NELL1: variants seen among roughly 807,000 people sequenced by gnomAD.
NELL1 encodes protein kinase C-binding protein NELL1.
NELL1 carries 76 observed loss-of-function variants against 107.4 expected under a neutral mutation model. The ratio of observed to expected loss-of-function variants is 0.71; its 90% CI spans 0.59 to 0.86. The LOEUF is 0.86. NELL1 is among the 40% of genes least tolerant of loss of function. The pLI is 0.00. For missense variants in NELL1, 1,024 were observed against 1,005.5 expected (o/e 1.02, Z -0.25); for synonymous variants, 353 against 341.2 (o/e 1.03, Z -0.38).
chr11:21,504,595 G>A (rs1855234197), intron 15 of NELL1, among the ~76,000 whole-genome samples: 3 of 152,030 alleles, frequency 2.0e-5, no homozygotes, highest in African/African-American at 7.2e-5. Flanking sequence ...TAGGCTTTGG[G>A]AAACTTGGTT....
chr11:21,439,660 G>A (rs1853228449), intron 15 of NELL1, among the ~76,000 whole-genome samples: 2 of 152,088 alleles, frequency 1.3e-5, no homozygotes, highest in African/African-American at 4.8e-5. Flanking sequence ...TCCTGTATTA[G>A]TAAGTAATAC....
intron 13 of NELL1, among the ~76,000 whole-genome samples, chr11:21,182,250 A>G (rs1856843233): frequency 6.6e-6 from 1 of 151,734 alleles, no homozygotes; most frequent in Non-Finnish European, 1.5e-5. Flanking sequence ...CCTGGCCAAC[A>G]TAGCGAAACC....
intron 11 of NELL1, among the ~76,000 whole-genome samples, chr11:20,959,644 T>A (rs563180688): frequency 6.6e-6 from 1 of 152,234 alleles, no homozygotes; most frequent in South Asian, 2.1e-4. Context: ...AAGAATGACA[T>A]CATAGACTTT....
chr11:21,305,048 G>C (rs1199284079), intron 14 of NELL1, among the ~76,000 whole-genome samples: 1 of 152,000 alleles, frequency 6.6e-6, no homozygotes, highest in Non-Finnish European at 1.5e-5. Flanking sequence ...TTATATGAAA[G>C]AGTCCAGATT....
At chr11:21,538,013 T>C (rs1856181881) in intron 16 of NELL1, among the ~76,000 whole-genome samples, 1 of 152,186 alleles carries the variant, frequency 6.6e-6, no homozygotes, top group African/African-American at 2.4e-5. Context: ...CTTAATAACA[T>C]AGCTTAATAG....
intron 3 of NELL1, among the ~76,000 whole-genome samples, chr11:20,808,487 G>T (rs566141594): frequency 1.4e-4 from 21 of 152,310 alleles, no homozygotes; most frequent in African/African-American, 5.1e-4. Context: ...TTGGGGGAGG[G>T]CTGGTGCAAG....
At chr11:21,005,937 C>T (rs976278276) in intron 12 of NELL1, among the ~76,000 whole-genome samples, 5 of 152,048 alleles carry the variant, frequency 3.3e-5, no homozygotes, top group African/African-American at 1.2e-4. Flanking sequence ...GTTTGAATCC[C>T]ACCTGTGTCA....
chr11:20,821,868 C>T (rs565808283), intron 3 of NELL1, among the ~76,000 whole-genome samples: 1 of 152,320 alleles, frequency 6.6e-6, no homozygotes, highest in East Asian at 1.9e-4. Context: ...ACTTGCTTAG[C>T]AAATGAAGAA....
At chr11:20,938,602 G>T (rs1196212674) in intron 10 of NELL1, among the ~76,000 whole-genome samples, 1 of 152,154 alleles carries the variant, frequency 6.6e-6, no homozygotes, top group African/African-American at 2.4e-5. Context: ...TGGGTAAGGT[G>T]TGGGAGCCAG....
intron 12 of NELL1, among the ~76,000 whole-genome samples, chr11:21,073,749 G>A (rs1854070312): frequency 1.3e-5 from 2 of 152,116 alleles, no homozygotes; most frequent in Admixed American, 1.3e-4. Flanking sequence ...AAAAGTAGTT[G>A]AGTTGTTTCA....
intron 15 of NELL1, among the ~76,000 whole-genome samples, chr11:21,470,054 T>C (rs1205412344): frequency 6.6e-6 from 1 of 152,032 alleles, no homozygotes; most frequent in East Asian, 1.9e-4. Flanking sequence ...TAATTAACAA[T>C]TACTCTATGC....
At chr11:21,236,881 G>T (rs1203847047) in intron 14 of NELL1, among the ~76,000 whole-genome samples, 1 of 152,142 alleles carries the variant, frequency 6.6e-6, no homozygotes, top group Non-Finnish European at 1.5e-5. Context: ...CCACCTGGAA[G>T]AAACATACTT....
intron 5 of NELL1, 21 bp downstream of exon 5, chr11:20,885,561 T>C: frequency 7.3e-7 from 1 of 1,374,658 alleles, no homozygotes; most frequent in Non-Finnish European, 1.0e-6. Context: ...ACGTTCTTTT[T>C]ATTGAAGTAT....
intron 2 of NELL1, among the ~76,000 whole-genome samples, chr11:20,745,100 G>GTCTTGTCATGTCAGACA (rs1855974563): frequency 6.6e-6 from 1 of 152,010 alleles, no homozygotes; most frequent in Non-Finnish European, 1.5e-5. Flanking sequence ...TTTTGTTCAT[G>GTCTTGTCATGTCAGACA]TGTTTATTGT....
chr11:21,329,497 G>A (rs535151495), intron 14 of NELL1, among the ~76,000 whole-genome samples: 1 of 152,148 alleles, frequency 6.6e-6, no homozygotes, highest in South Asian at 2.1e-4. Context: ...ATGTGAAAAG[G>A]TGATTATAGT....
intron 15 of NELL1, among the ~76,000 whole-genome samples, chr11:21,525,170 A>G (rs953665023): frequency 6.6e-6 from 1 of 152,194 alleles, no homozygotes; most frequent in African/African-American, 2.4e-5. Flanking sequence ...CAGAGATAAA[A>G]TTAGAAGGCC....
chr11:21,501,539 T>C (rs1855142124), intron 15 of NELL1, among the ~76,000 whole-genome samples: 1 of 152,188 alleles, frequency 6.6e-6, no homozygotes, highest in Admixed American at 6.6e-5. Context: ...GGAGACCTCA[T>C]TATTTGAGTC....
chr11:21,541,399 T>G (rs557239471), intron 16 of NELL1, among the ~76,000 whole-genome samples: 1 of 152,208 alleles, frequency 6.6e-6, no homozygotes, highest in East Asian at 1.9e-4. Context: ...CAACCAAAAA[T>G]GTTCCGCTGA....
intron 15 of NELL1, among the ~76,000 whole-genome samples, chr11:21,384,918 T>A (rs1851704946): frequency 6.6e-6 from 1 of 151,052 alleles, no homozygotes; most frequent in Non-Finnish European, 1.5e-5. Context: ...TTTCCTTACT[T>A]TTTAAAAATT....
Sources: gnomAD v4.1 joint callset for allele counts (sites outside exome capture counted in the v4.1 genomes callset) on GRCh38, gnomAD v4.1.1 for gene constraint, MANE v1.5 for transcripts, NCBI Gene and HGNC (gene_info 2026-07-23, HGNC 2026-07-21) for gene names.